Variants in CDKN3 observed in about 807,000 individuals in gnomAD.
CDKN3 encodes the protein cyclin-dependent kinase inhibitor 3.
CDKN3 carries 19 observed loss-of-function variants against 36.1 expected under a neutral mutation model. The observed-to-expected ratio is 0.53, with a 90% CI of 0.37 to 0.77. CDKN3 has a LOEUF of 0.77. Ranked by LOEUF, CDKN3 falls within the 30% of genes least tolerant of loss-of-function variation. CDKN3 has a pLI of 0.00. For synonymous variants in CDKN3, 71 were observed against 85.3 expected, an observed-to-expected ratio of 0.83 and a Z score of 0.92; for missense variants, 188 against 248.6, an observed-to-expected ratio of 0.76 and a Z score of 1.64.
chr14:54,419,733 A>G (rs73254750), intron 7 of CDKN3, among the ~76,000 whole-genome samples: 3,714 of 152,302 alleles, frequency 0.024, 163 homozygotes, highest in African/African-American at 0.083. Context: ...AGAGAGAAAG[A>G]ATTTTAGACT....
chr14:54,402,828 T>C (rs563991450), intron 3 of CDKN3, among the ~76,000 whole-genome samples: 1 of 152,328 alleles, frequency 6.6e-6, no homozygotes, highest in South Asian at 2.1e-4. Flanking sequence ...ATTGCTTGTT[T>C]TTGTCAGTTT....
intron 1 of CDKN3, among the ~76,000 whole-genome samples, chr14:54,398,585 C>T (rs970676309): frequency 3.3e-5 from 5 of 152,218 alleles, no homozygotes; most frequent in African/African-American, 1.2e-4. Context: ...AATAATAAAA[C>T]TCCATTTCTT....
chr14:54,397,036 G>A lies in CDKN3; in HGVS notation c.-33G>A. On this transcript the variant is annotated 5_prime_UTR_variant, in exon 1 of 8. Transcript: ENST00000335183. ...GTGAGTCGCCGGCGCTGCAGAGGGA[G>A]GCGGCACTGGTCTCGACGTGGGGCG... 2 of 1,484,560 alleles carry A rather than the reference G, an allele frequency of 1.3e-6. No individual in the cohort carries two copies. The highest frequency in any genetic ancestry group is 5.6e-5 in the East Asian group (2 of 35,872). The allele number at this position is 1,484,560 out of a possible 1,614,324, so 92.0% of individuals were successfully genotyped here.
chr14:54,410,773 A>G (rs923870486), intron 4 of CDKN3, among the ~76,000 whole-genome samples: 1 of 152,150 alleles, frequency 6.6e-6, no homozygotes, highest in African/African-American at 2.4e-5. Context: ...AAAAAGAAAA[A>G]AAGTGCTATC....
intron 4 of CDKN3, chr14:54,411,176 C>CAA (rs376186329): frequency 0.039 from 4,776 of 122,598 alleles, 121 homozygotes; most frequent in African/African-American, 0.1. Flanking sequence ...GACTCCATCT[C>CAA]AAAAAAAAAA....
chr14:54,417,877 G>T lies in CDKN3; in HGVS notation c.478G>T (p.Asp160Tyr). ...VAACLLLYLSDTISPEQAIDS... is the reference protein window; with the variant it reads ...VAACLLLYLSYTISPEQAIDS... ...TGCTTGTCTCCTACTATACCTGTCT[G>T]ACACAATATCACCAGAGCAAGCCAT... Residue 160 changes from aspartate to tyrosine, a missense_variant, in exon 7 of 8, where the codon GAC becomes TAC. Asp to Tyr is a radical substitution (Grantham distance 160). Coordinates refer to ENST00000335183, the MANE Select transcript of CDKN3 (RefSeq NM_005192.4). The T allele has an allele frequency of 6.3e-7, 1 of 1,597,366 alleles. No individual in the cohort carries two copies. Among genetic ancestry groups the T allele is most frequent in the South Asian group, 1.1e-5 (1 of 88,348 alleles).
intron 4 of CDKN3, among the ~76,000 whole-genome samples, chr14:54,409,197 A>T (rs763300767): frequency 9.2e-5 from 14 of 152,104 alleles, no homozygotes; most frequent in South Asian, 2.1e-4. Flanking sequence ...TGAATCCTGG[A>T]TGGAAAATTT....
intron 7 of CDKN3, 92 bp downstream of exon 7, chr14:54,418,043 C>T (rs1187981447): frequency 2.7e-6 from 2 of 728,178 alleles, no homozygotes; most frequent in African/African-American, 1.8e-5. Flanking sequence ...ATATGAAAAT[C>T]CAAAAGGGCA....
At chr14:54,417,194 T>A (rs1157469858) in intron 6 of CDKN3, among the ~76,000 whole-genome samples, 1 of 152,208 alleles carries the variant, frequency 6.6e-6, no homozygotes, top group Non-Finnish European at 1.5e-5. Flanking sequence ...CAAAGACTTG[T>A]ATACAAATGT....
At position 54,397,089 on chromosome 14, in the gene CDKN3, G is replaced by A. The variant is rs1399176168; in HGVS notation, c.9+12G>A. 3.3e-6 allele frequency: 5 copies of A among 1,502,870 alleles called. No homozygotes were observed. Among genetic ancestry groups the A allele is most frequent in the East Asian group, 5.5e-5 (2 of 36,446 alleles). The allele number at this position is 1,502,870 out of a possible 1,614,324, so 93.1% of individuals were successfully genotyped here. On this transcript the variant is annotated intron_variant, in intron 1 of 7. Coordinates refer to ENST00000335183, the MANE Select transcript of CDKN3 (RefSeq NM_005192.4). ...CAGCGATGAAGCCGGTGAGTCGGAC[G>A]TGCTGGGGTTTGGAGGAGCGAGGCG...
intron 7 of CDKN3, among the ~76,000 whole-genome samples, chr14:54,418,604 C>T (rs1433323326): frequency 6.6e-6 from 1 of 152,190 alleles, no homozygotes; most frequent in Non-Finnish European, 1.5e-5. Context: ...CAGAAGCGTG[C>T]CCTCTCAGCA....
chr14:54,409,784 G>A lies in CDKN3; in HGVS notation c.193+995G>A, dbSNP rs2030287318. The stretch of plus-strand genomic sequence containing the variant: ...GGAGGTCAAAGCTGCAGTGAGCTGA[G>A]ATGGTGCTGAGATCACAAGGTCTTG... On this transcript the variant is annotated intron_variant, in intron 4 of 7. Transcript: ENST00000335183. 2.6e-5 allele frequency among the ~76,000 whole-genome samples: 4 copies of A among 151,536 alleles called. No individual in the cohort carries two copies. In the South Asian group the frequency reaches 8.4e-4, roughly 32 times the overall value.
intron 6 of CDKN3, 44 bp from the exon 7 acceptor site, chr14:54,417,804 C>G: frequency 9.4e-7 from 1 of 1,060,096 alleles, no homozygotes; most frequent in Non-Finnish European, 1.4e-6. Flanking sequence ...TACCCTGTCA[C>G]TAGTTATTTA....
At chr14:54,398,865 T>A (rs1431864679) in intron 1 of CDKN3, among the ~76,000 whole-genome samples, 2 of 152,180 alleles carry the variant, frequency 1.3e-5, no homozygotes, top group African/African-American at 4.8e-5. Context: ...TGTGGGGATG[T>A]TTTTTGAGAA....
intron 1 of CDKN3, among the ~76,000 whole-genome samples, chr14:54,397,676 T>C (rs1208035715): frequency 6.6e-6 from 1 of 152,242 alleles, no homozygotes; most frequent in Non-Finnish European, 1.5e-5. Flanking sequence ...ATTTGAAATA[T>C]GAATCATCAA....
rs772034420 is a variant in CDKN3, at chr14:54,417,837, T to C, written c.449-11T>C. The C allele has an allele frequency of 4.0e-6, 6 of 1,483,550 alleles. No individual in the cohort carries two copies. Among genetic ancestry groups the C allele is most frequent in the Non-Finnish European group, 5.6e-6 (6 of 1,076,356 alleles). 91.9% of individuals were successfully genotyped at this position (1,483,550 alleles called of 1,614,324 possible). On this transcript the variant is annotated splice_polypyrimidine_tract_variant and intron_variant, in intron 6 of 7. Transcript: ENST00000335183. ...TTAATAACATATTATTTTTCTGTCA[T>C]GTTCCATTAGTAGCTGCTTGTCTCC...
chr14:54,417,309 T>G (rs1259975954), intron 6 of CDKN3, among the ~76,000 whole-genome samples: 3 of 152,216 alleles, frequency 2.0e-5, no homozygotes, highest in African/African-American at 7.2e-5. Context: ...AATGGAATAT[T>G]ATTTGATCAT....
chr14:54,413,819 A>T, intron 5 of CDKN3: 2 of 1,412,372 alleles, frequency 1.4e-6, no homozygotes, highest in Non-Finnish European at 1.8e-6. Flanking sequence ...CTGCTTGCCT[A>T]CTGTATTTTG....
chr14:54,420,046 A>G lies in CDKN3; in HGVS notation c.607A>G (p.Arg203Gly), dbSNP rs1345308392. The G allele has an allele frequency of 1.2e-6, 2 of 1,607,290 alleles. No individual in the cohort carries two copies. Among genetic ancestry groups the G allele is most frequent in the Admixed American group, 1.7e-5 (1 of 59,998 alleles). Residue 203 changes from arginine (R) to glycine (G), a missense_variant, in exon 8 of 8, where the codon AGA becomes GGA. Coordinates refer to ENST00000335183, the MANE Select transcript of CDKN3 (RefSeq NM_005192.4). ...CAAATTAGCTGCACATCTATCATCA[A>G]GAGATTCACAATCAAGATCTGTATC... ...RDKLAAHLSS[R>G]DSQSRSVSR
Sources: gnomAD v4.1 joint callset for allele counts (sites outside exome capture counted in the v4.1 genomes callset) on GRCh38, gnomAD v4.1.1 for gene constraint, MANE v1.5 for transcripts, NCBI Gene and HGNC (gene_info 2026-07-23, HGNC 2026-07-21) for gene names.